Variants in PTPRN2 observed in about 807,000 individuals in gnomAD.
PTPRN2 encodes the protein receptor-type tyrosine-protein phosphatase N2.
In PTPRN2, 74 loss-of-function variants were observed where a neutral mutation model predicts 118.8. The ratio of observed to expected loss-of-function variants is 0.62; its 90% CI spans 0.52 to 0.76. PTPRN2 has a LOEUF of 0.76. Ranked by LOEUF, PTPRN2 falls within the 30% of genes least tolerant of loss-of-function variation. The pLI is 0.00. For synonymous variants in PTPRN2, 641 were observed against 608.0 expected (o/e 1.05, Z -0.80); for missense variants, 1,481 against 1,394.4 (o/e 1.06, Z -0.99).
intron 3 of PTPRN2, among the ~76,000 whole-genome samples, chr7:158,262,414 ACATT>A (rs1339636433): frequency 1.3e-5 from 2 of 148,228 alleles, no homozygotes; most frequent in Non-Finnish European, 3.0e-5. Flanking sequence ...ACACATACAT[ACATT>A]CACACACATA....
intron 13 of PTPRN2, among the ~76,000 whole-genome samples, chr7:157,667,271 A>G (rs2530410): frequency 2.3e-4 from 16 of 70,584 alleles, no homozygotes; most frequent in Non-Finnish European, 3.6e-4. Context: ...TGGCTTGCAC[A>G]CTCGGCCCGT....
In PTPRN2 at chr7:157,861,272, G is replaced by A. The variant is rs911975457; in HGVS notation, c.1788+37401C>T. On this transcript the variant is annotated intron_variant, in intron 12 of 22. Transcript: ENST00000389418. The surrounding 1 kb of genome is among the most constrained non-coding windows in gnomAD (Gnocchi z 5.8). ...GTGAAGTCTATACAATAATGGAACCGAAGCCCTCTGTGGGGAATCCGTGGG... is the reference window on the plus strand; with the variant it reads ...GTGAAGTCTATACAATAATGGAACCAAAGCCCTCTGTGGGGAATCCGTGGG... Among the ~76,000 whole-genome samples, 2 of 152,238 alleles carry A rather than the reference G, an allele frequency of 1.3e-5. No homozygotes were observed. The highest frequency in any genetic ancestry group is 2.9e-5 in the Non-Finnish European group (2 of 68,048).
chr7:157,835,580 G>A (rs1357018957), intron 12 of PTPRN2, among the ~76,000 whole-genome samples: 5 of 152,292 alleles, frequency 3.3e-5, no homozygotes, highest in Admixed American at 2.6e-4. Context: ...AGAATGACTA[G>A]TAGGAAGAAC....
chr7:158,014,965 T>A (rs891870191), intron 11 of PTPRN2, among the ~76,000 whole-genome samples: 2 of 152,224 alleles, frequency 1.3e-5, no homozygotes, highest in African/African-American at 4.8e-5. Context: ...GTGCAAAAGC[T>A]TACTTTCATT....
In PTPRN2 at chr7:157,848,081, G is replaced by T. The variant is rs540090235; in HGVS notation, c.1788+50592C>A. The stretch of plus-strand genomic sequence containing the variant: ...CAGAGCCCTCTCTCACTCCCTCATG[G>T]GTGCCGTATGTTTACAGATGTTTAC... On this transcript the variant is annotated intron_variant, in intron 12 of 22. Transcript: ENST00000389418. Among the ~76,000 whole-genome samples the T allele has an allele frequency of 2.8e-5, 4 of 140,402 alleles. No homozygotes were observed. The South Asian group carries it at 7.2e-4, about 25-fold the overall frequency. The allele number at this position is 140,402 out of a possible 152,430, so 92.1% of individuals were successfully genotyped here.
At chr7:157,663,654 C>T (rs769688665) in intron 13 of PTPRN2, among the ~76,000 whole-genome samples, 3 of 152,168 alleles carry the variant, frequency 2.0e-5, no homozygotes, top group Non-Finnish European at 4.4e-5. Context: ...CCCTCTCCAC[C>T]CTTCCCTGGA....
At position 158,428,189 on chromosome 7, in the gene PTPRN2, G is replaced by A. The variant is rs568834906; in HGVS notation, c.163+61546C>T. Among the ~76,000 whole-genome samples the A allele has an allele frequency of 2.0e-5, 3 of 152,360 alleles. No individual in the cohort carries two copies. In the East Asian group the frequency reaches 5.8e-4, roughly 29 times the overall value. On this transcript the variant is annotated intron_variant, in intron 2 of 22. Coordinates refer to ENST00000389418, the MANE Select transcript of PTPRN2 (RefSeq NM_002847.5). ...CGAATGAAATTCACTCCTGTAAGAGGGCAGGGGAGCTGGGGCACTCTCTCA... is the reference window on the plus strand; with the variant it reads ...CGAATGAAATTCACTCCTGTAAGAGAGCAGGGGAGCTGGGGCACTCTCTCA...
chr7:158,384,493 T>G (rs970021061), intron 2 of PTPRN2, among the ~76,000 whole-genome samples: 1 of 152,182 alleles, frequency 6.6e-6, no homozygotes, highest in African/African-American at 2.4e-5. Flanking sequence ...TCCTTAACAG[T>G]TACAGATCTC....
At chr7:157,860,958 T>C (rs1408809989) in intron 12 of PTPRN2, among the ~76,000 whole-genome samples, 2 of 152,238 alleles carry the variant, frequency 1.3e-5, no homozygotes, top group Non-Finnish European at 2.9e-5. Context: ...ACAGATGGGC[T>C]GGCCCAAAGT....
At chr7:158,215,061 A>G (rs2150775617) in intron 3 of PTPRN2, among the ~76,000 whole-genome samples, 1 of 152,390 alleles carries the variant, frequency 6.6e-6, no homozygotes, top group East Asian at 1.9e-4. Context: ...CGAGATGTTA[A>G]AATTGCCTGA....
intron 21 of PTPRN2, among the ~76,000 whole-genome samples, chr7:157,555,740 G>T (rs181619349): frequency 9.5e-4 from 145 of 152,358 alleles, no homozygotes; most frequent in Admixed American, 8.0e-3. Flanking sequence ...GTTCAAGAGA[G>T]AGAGGCCTTT....
intron 2 of PTPRN2, among the ~76,000 whole-genome samples, chr7:158,327,087 GCACT>G (rs1252227992): frequency 1.4e-5 from 2 of 146,610 alleles, no homozygotes; most frequent in Non-Finnish European, 3.0e-5. Context: ...ATTCTCACAT[GCACT>G]CATTCTCACC....
intron 2 of PTPRN2, among the ~76,000 whole-genome samples, chr7:158,388,678 T>TG (rs1054604864): frequency 2.4e-4 from 37 of 152,102 alleles, no homozygotes; most frequent in African/African-American, 8.5e-4. Context: ...TGGCCATTGG[T>TG]GATTAACCCC....
chr7:158,523,571 G>C (rs1202833488), intron 1 of PTPRN2, among the ~76,000 whole-genome samples: 11 of 102,478 alleles, frequency 1.1e-4, no homozygotes, highest in Admixed American at 2.3e-4. Context: ...GAGTGGAGTC[G>C]TCTGCCCTGG....
At chr7:158,306,319 G>GGGCC (rs1801281815) in intron 3 of PTPRN2, among the ~76,000 whole-genome samples, 1 of 152,222 alleles carries the variant, frequency 6.6e-6, no homozygotes, top group Middle Eastern at 3.2e-3. Context: ...GGAGGGCTGT[G>GGGCC]TGCCTGCCCA....
intron 10 of PTPRN2, among the ~76,000 whole-genome samples, chr7:158,090,015 CA>C (rs1813959713): frequency 2.3e-5 from 1 of 44,266 alleles, no homozygotes; most frequent in African/African-American, 4.3e-5. Flanking sequence ...AGGGAGTCTT[CA>C]CACAAACCCT....
At chr7:158,100,851 A>G (rs1245753283) in intron 10 of PTPRN2, among the ~76,000 whole-genome samples, 3 of 152,150 alleles carry the variant, frequency 2.0e-5, no homozygotes, top group East Asian at 1.9e-4. Flanking sequence ...GGTTGTCTGT[A>G]TACTGCTGAA....
intron 2 of PTPRN2, among the ~76,000 whole-genome samples, chr7:158,420,001 C>G (rs979580577): frequency 3.9e-5 from 6 of 152,164 alleles, no homozygotes; most frequent in Non-Finnish European, 5.9e-5. Flanking sequence ...GAAACTCTGT[C>G]ATGTTGGCCA....
rs1156687117 is a variant in PTPRN2, at chr7:158,582,796, C to CAA, written c.112+4760_112+4761dup. Among the ~76,000 whole-genome samples, 388 of 43,956 alleles carry CAA rather than the reference C, an allele frequency of 8.8e-3. 15 individuals are homozygous for CAA. Among genetic ancestry groups the CAA allele is most frequent in the East Asian group, 0.013 (12 of 902 alleles). The allele number at this position is 43,956 out of a possible 152,430, so 28.8% of individuals were successfully genotyped here. On this transcript the variant is annotated intron_variant, in intron 1 of 22. Transcript: ENST00000389418. ...TGGGTGACAAAGCGAGACTCCATCT[C>CAA]AAAAAAAAAAAAAAAAAAAAAAAAA...
Sources: allele counts gnomAD v4.1 joint callset (sites outside exome capture counted in the v4.1 genomes callset), GRCh38; gene constraint gnomAD v4.1.1; non-coding constraint Gnocchi (gnomAD v3.1); transcripts MANE v1.5; gene names NCBI Gene and HGNC (gene_info 2026-07-23, HGNC 2026-07-21).